TSEN2: variants seen among roughly 807,000 people sequenced by gnomAD.
TSEN2 encodes tRNA splicing endonuclease subunit 2.
In TSEN2, 54 loss-of-function variants were observed where a neutral mutation model predicts 59.2. The observed-to-expected ratio is 0.91, with a 90% CI of 0.73 to 1.14. The LOEUF is 1.14. Among genes scored for constraint, TSEN2 ranks in the 50% most tolerant of loss-of-function variants. The pLI, the probability that TSEN2 is intolerant of heterozygous loss-of-function variation, is 0.00. For synonymous variants in TSEN2, 195 were observed against 198.2 expected (o/e 0.98, Z 0.14); for missense variants, 636 against 576.2 (o/e 1.10, Z -1.06).
At position 12,519,163 on chromosome 3, in the gene TSEN2, G is replaced by A. The variant is rs2056411205; in HGVS notation, c.1065G>A (p.Val355=). Residue 355 remains valine (V), a synonymous_variant, in exon 8 of 12, where the codon GTG becomes GTA. Coordinates refer to ENST00000284995, the MANE Select transcript of TSEN2 (RefSeq NM_025265.4). ...ATTACTTTCGAAGCAAGGGCTGGGT[G>A]CCCAAAGTGGGACTCAAGTACGGGA... is the stretch of plus-strand genomic sequence containing the variant. ...AYHYFRSKGW[V]PKVGLKYGTD... 6.2e-7 allele frequency: 1 copy of A among 1,614,254 alleles called. No individual in the cohort carries two copies. The highest frequency in any genetic ancestry group is 8.5e-7 in the Non-Finnish European group (1 of 1,180,040).
At chr3:12,529,950 A>AT (rs2057357552) in intron 10 of TSEN2, 77 bp downstream of exon 10, 1 of 1,566,076 alleles carries the variant, frequency 6.4e-7, no homozygotes, top group Non-Finnish European at 8.6e-7. Context: ...ATGTAGTAGA[A>AT]TCAAAAAAGT....
chr3:12,508,019 G>A (rs965521749), intron 6 of TSEN2, among the ~76,000 whole-genome samples: 2 of 152,160 alleles, frequency 1.3e-5, no homozygotes, highest in Non-Finnish European at 2.9e-5. Context: ...ATGAGTCAGG[G>A]TCTGGCCTGG....
At position 12,489,804 on chromosome 3, in the gene TSEN2, G is replaced by T; in HGVS notation, c.4G>T (p.Ala2Ser). 2 of 1,613,064 alleles carry T rather than the reference G, an allele frequency of 1.2e-6. No individual in the cohort carries two copies. The highest frequency in any genetic ancestry group is 1.1e-5 in the South Asian group (1 of 91,072). ...TAAAGAATACCTCCTCTGAAAAATG[G>T]CAGAAGCAGTTTTCCATGCCCCAAA... is the stretch of plus-strand genomic sequence containing the variant. Reference protein sequence around the residue: MAEAVFHAPKRK... With the variant: MSEAVFHAPKRK... The change falls in exon 2 of 12, where the codon GCA becomes TCA. Residue 2 changes from alanine to serine, a missense_variant. Ala to Ser is a moderately conservative substitution (Grantham distance 99, BLOSUM62 1). Transcript: ENST00000284995.
At chr3:12,539,303 T>C (rs1459072347) in exon 11 of TSEN2, 1 of 337,026 alleles carries the variant, frequency 3.0e-6, no homozygotes, top group Non-Finnish European at 5.7e-6. Context: ...ACGGCTAATT[T>C]TTGTATTTTT....
chr3:12,485,049 C>T (rs2052461339), intron 1 of TSEN2, among the ~76,000 whole-genome samples, 169 bp downstream of exon 1: 1 of 152,192 alleles, frequency 6.6e-6, no homozygotes, highest in Non-Finnish European at 1.5e-5. Context: ...AAAGGCTGGT[C>T]ATCTGTTTAT....
chr3:12,516,524 G>C, intron 6 of TSEN2, 87 bp from the exon 7 acceptor site: 1 of 1,172,556 alleles, frequency 8.5e-7, no homozygotes, highest in Non-Finnish European at 1.3e-6. Flanking sequence ...ATTTGTATTT[G>C]AGGTGAAAAG....
chr3:12,486,807 G>T (rs572331893), intron 1 of TSEN2, among the ~76,000 whole-genome samples: 1 of 152,202 alleles, frequency 6.6e-6, no homozygotes, highest in South Asian at 2.1e-4. Flanking sequence ...TTGTCTCGTG[G>T]TCTTTTGTGT....
chr3:12,510,266 C>A (rs1025900517), intron 6 of TSEN2, among the ~76,000 whole-genome samples: 2 of 152,154 alleles, frequency 1.3e-5, no homozygotes, highest in African/African-American at 4.8e-5. Context: ...CACCAGACTC[C>A]CCATTTGCTG....
At position 12,519,198 on chromosome 3, in the gene TSEN2, G is replaced by T; in HGVS notation, c.1099+1G>T. Reference sequence around the variant, plus strand: ...GGACTCAAGTACGGGACAGATTTACGTAAGTAATTCTTGGCGTGGTGTGTG... The same window carrying T: ...GGACTCAAGTACGGGACAGATTTACTTAAGTAATTCTTGGCGTGGTGTGTG... On this transcript the variant is annotated splice_donor_variant, in intron 8 of 11. Transcript: ENST00000284995. LOFTEE classifies it high-confidence loss of function. 1 of 1,614,186 alleles carries T rather than the reference G, an allele frequency of 6.2e-7. No homozygotes were observed. Among genetic ancestry groups the T allele is most frequent in the Non-Finnish European group, 8.5e-7 (1 of 1,180,032 alleles).
At chr3:12,486,900 A>T (rs1190330775) in intron 1 of TSEN2, among the ~76,000 whole-genome samples, 3 of 152,250 alleles carry the variant, frequency 2.0e-5, no homozygotes. Context: ...GTATTTGATT[A>T]TATGGATAGA....
Position 12,511,880 on chromosome 3 carries a change from G to A in TSEN2, c.910-4731G>A, listed in dbSNP as rs191669128. Among the ~76,000 whole-genome samples, 49 of 152,198 alleles carry A rather than the reference G, an allele frequency of 3.2e-4. 1 individual carries two copies. Among genetic ancestry groups the A allele is most frequent in the Admixed American group, 2.7e-3 (42 of 15,288 alleles). ...CCCTGCCTAGGTTTTATATATTTTTGAGATATGGATAAGTTCTTCTAAGAG... is the reference window on the plus strand; with the variant it reads ...CCCTGCCTAGGTTTTATATATTTTTAAGATATGGATAAGTTCTTCTAAGAG... On this transcript the variant is annotated intron_variant, in intron 6 of 11. Transcript: ENST00000284995.
chr3:12,508,252 C>A (rs2055050271), intron 6 of TSEN2, among the ~76,000 whole-genome samples: 1 of 152,188 alleles, frequency 6.6e-6, no homozygotes. Flanking sequence ...CTGCTGCCTC[C>A]TCTTGAACAC....
At chr3:12,495,709 G>A (rs528432485) in intron 3 of TSEN2, among the ~76,000 whole-genome samples, 1 of 152,300 alleles carries the variant, frequency 6.6e-6, no homozygotes, top group South Asian at 2.1e-4. Context: ...TTTCCTGTGG[G>A]GTTAAAGCTG....
intron 8 of TSEN2, among the ~76,000 whole-genome samples, chr3:12,520,103 G>A (rs116722282): frequency 0.016 from 2,440 of 151,302 alleles, 40 homozygotes; most frequent in South Asian, 0.058. Context: ...GGTTCACGCC[G>A]TTCTCCTGCC....
Position 12,519,069 on chromosome 3 carries a change from C to CGATA in TSEN2, c.973_976dup (p.Val326AspfsTer64). 3 of 1,614,114 alleles carry CGATA rather than the reference C, an allele frequency of 1.9e-6. No individual in the cohort carries two copies. The highest frequency in any genetic ancestry group is 2.5e-6 in the Non-Finnish European group (3 of 1,180,026). On this transcript the variant is annotated frameshift_variant, in exon 8 of 12. Coordinates refer to ENST00000284995, the MANE Select transcript of TSEN2 (RefSeq NM_025265.4). LOFTEE classifies it high-confidence loss of function. ...TGTAAATAACTTTAGGAGCCTTTAA[C>CGATA]GATAGTGAAGCTCTGGAAAGCTTTC...
intron 3 of TSEN2, among the ~76,000 whole-genome samples, chr3:12,493,478 C>T (rs1282951081): frequency 6.6e-6 from 1 of 152,206 alleles, no homozygotes; most frequent in Admixed American, 6.5e-5. Flanking sequence ...CCTGTAATCC[C>T]AGCACTTTGG....
At chr3:12,537,669 G>C (rs929440314), downstream of TSEN2, among the ~76,000 whole-genome samples, 1 of 152,154 alleles carries the variant, frequency 6.6e-6, no homozygotes, top group Admixed American at 6.5e-5. Flanking sequence ...TGGCCCAGGG[G>C]TTAAGGGCAC....
intron 4 of TSEN2, among the ~76,000 whole-genome samples, chr3:12,499,432 C>T (rs2054071633): frequency 6.6e-6 from 1 of 152,206 alleles, no homozygotes; most frequent in Admixed American, 6.5e-5. Flanking sequence ...AACAGTTGTG[C>T]TGTCCTGTAG....
At chr3:12,519,500 CT>C (rs2056439657) in intron 8 of TSEN2, among the ~76,000 whole-genome samples, 1 of 152,326 alleles carries the variant, frequency 6.6e-6, no homozygotes, top group South Asian at 2.1e-4. Flanking sequence ...AATCCCAGCA[CT>C]TTGGGAGGCC....
Sources: gnomAD v4.1 joint callset for allele counts (sites outside exome capture counted in the v4.1 genomes callset) on GRCh38, gnomAD v4.1.1 for gene constraint, MANE v1.5 for transcripts, NCBI Gene and HGNC (gene_info 2026-07-23, HGNC 2026-07-21) for gene names.